NEO1: variants seen among roughly 807,000 people sequenced by gnomAD.
The protein encoded by NEO1 is neogenin 1.
Under a neutral mutation model 159.7 loss-of-function variants are expected in NEO1, and 63 were observed. That is an observed-to-expected ratio of 0.39 (90% confidence interval 0.32 to 0.49). The LOEUF (loss-of-function observed/expected upper bound fraction) is 0.49, where lower values mean the gene tolerates loss of function less well. Among genes scored for constraint, NEO1 ranks in the 20% least tolerant of loss-of-function variants. NEO1 has a pLI of 0.85. For synonymous variants in NEO1, 633 were observed against 662.0 expected, an observed-to-expected ratio of 0.96 and a Z score of 0.67; for missense variants, 1,615 against 1,831.0, an observed-to-expected ratio of 0.88 and a Z score of 2.15.
At position 73,282,980 on chromosome 15, in the gene NEO1, T is replaced by G. The variant is rs551596506; in HGVS notation, c.3279T>G (p.His1093Gln). The change falls in exon 23 of 29, where the codon CAT becomes CAG. Residue 1093 changes from histidine to glutamine, a missense_variant. Physicochemically the swap from His to Gln is conservative, Grantham distance 24. This residue lies in a region of NEO1 where 471 missense variants were observed against 498.9 expected (regional missense o/e 0.94). Transcript: ENST00000261908. Reference sequence around the variant, plus strand: ...TCTCTGCAGGCAGTAACAGCCCTCATGGGAGCCCCACCTCTCCTCTGGACA... The same window carrying G: ...TCTCTGCAGGCAGTAACAGCCCTCAGGGGAGCCCCACCTCTCCTCTGGACA... ...KPPMSGSNSP[H>Q]GSPTSPLDSN... is the part of the protein sequence containing the mutation. The G allele has an allele frequency of 2.7e-4, 430 of 1,614,086 alleles. 4 individuals carry two copies. In the South Asian group the frequency reaches 4.4e-3, roughly 17 times the overall value.
chr15:73,240,289 G>A (rs1466512669), intron 8 of NEO1, among the ~76,000 whole-genome samples: 3 of 152,154 alleles, frequency 2.0e-5, no homozygotes. Flanking sequence ...TTGTGGGTTG[G>A]AGTAAGCAGG....
In NEO1 at chr15:73,068,231, C is replaced by CCCCCCCCCCCCCG. The variant is rs55919404; in HGVS notation, c.130+15428_130+15429insCCCCCCCCCCGCC. Among the ~76,000 whole-genome samples, 47 of 120,658 alleles carry CCCCCCCCCCCCCG rather than the reference C, an allele frequency of 3.9e-4. 1 individual carries two copies. Among genetic ancestry groups the CCCCCCCCCCCCCG allele is most frequent in the Non-Finnish European group, 6.0e-4 (34 of 57,106 alleles). The allele number at this position is 120,658 out of a possible 152,430, so 79.2% of individuals were successfully genotyped here. A position where few individuals can be genotyped will look rare whatever the true frequency, so the allele number is the denominator to read the frequency against. On this transcript the variant is annotated intron_variant, in intron 1 of 28. Transcript: ENST00000261908. ...TTTGTTTTTGTCCCCCTACCCCCCC[C>CCCCCCCCCCCCCG]CCTTTTTTTTTGAGACAGTGTCTCA... is the stretch of plus-strand genomic sequence containing the variant.
chr15:73,282,332 T>G (rs1394865663), intron 22 of NEO1, among the ~76,000 whole-genome samples: 1 of 152,242 alleles, frequency 6.6e-6, no homozygotes, highest in Non-Finnish European at 1.5e-5. Flanking sequence ...ACATCTTTGT[T>G]GTTCACCATT....
chr15:73,077,843 A>G (rs1446897523), intron 1 of NEO1, among the ~76,000 whole-genome samples: 2 of 152,086 alleles, frequency 1.3e-5, no homozygotes, highest in African/African-American at 4.8e-5. Context: ...GGTTACTTCC[A>G]TGAAGCAACT....
chr15:73,141,534 C>T (rs139551595), intron 5 of NEO1, among the ~76,000 whole-genome samples: 192 of 152,220 alleles, frequency 1.3e-3, no homozygotes, highest in African/African-American at 4.2e-3. Flanking sequence ...ACATGTCTCC[C>T]GTGCCACCAA....
At chr15:73,138,810 C>T (rs1330751206) in intron 5 of NEO1, among the ~76,000 whole-genome samples, 3 of 151,840 alleles carry the variant, frequency 2.0e-5, no homozygotes, top group African/African-American at 7.3e-5. Flanking sequence ...TTTAAAACAG[C>T]TCCCAGATTC....
intron 7 of NEO1, among the ~76,000 whole-genome samples, chr15:73,211,632 T>A (rs192638139): frequency 4.6e-5 from 7 of 152,160 alleles, no homozygotes; most frequent in African/African-American, 1.4e-4. Context: ...GGAGAATCAC[T>A]TGAACCAGGG....
intron 7 of NEO1, among the ~76,000 whole-genome samples, chr15:73,192,506 A>G (rs562584408): frequency 2.0e-5 from 3 of 151,942 alleles, no homozygotes; most frequent in Admixed American, 2.0e-4. Context: ...CCCTTTCATC[A>G]AACAATCCTA....
intron 1 of NEO1, among the ~76,000 whole-genome samples, chr15:73,077,484 G>T (rs1275563501): frequency 6.6e-6 from 1 of 152,382 alleles, no homozygotes; most frequent in East Asian, 1.9e-4. Flanking sequence ...AAGGAAGCTT[G>T]TGTGAATGAA....
At chr15:73,261,700 G>A (rs1042976563) in intron 15 of NEO1, among the ~76,000 whole-genome samples, 6 of 152,168 alleles carry the variant, frequency 3.9e-5, no homozygotes, top group Non-Finnish European at 5.9e-5. Flanking sequence ...TTCACTGGTT[G>A]GAAGCCGTGA....
intron 16 of NEO1, among the ~76,000 whole-genome samples, chr15:73,269,136 G>T (rs984809849): frequency 6.6e-6 from 1 of 152,144 alleles, no homozygotes; most frequent in Non-Finnish European, 1.5e-5. Context: ...GTCTGAACTT[G>T]ACCCTTTGTG....
intron 11 of NEO1, among the ~76,000 whole-genome samples, chr15:73,251,107 T>A (rs1567603678): frequency 6.6e-6 from 1 of 152,184 alleles, no homozygotes; most frequent in Non-Finnish European, 1.5e-5. Flanking sequence ...AATAGTAAGA[T>A]AAATAAAACA....
chr15:73,267,058 A>G (rs1468823412), intron 16 of NEO1, among the ~76,000 whole-genome samples: 2 of 152,186 alleles, frequency 1.3e-5, no homozygotes, highest in East Asian at 3.8e-4. Flanking sequence ...GGAGATCGAG[A>G]CCATCCTGGC....
intron 8 of NEO1, among the ~76,000 whole-genome samples, chr15:73,240,192 G>C (rs1006137267): frequency 1.3e-5 from 2 of 152,154 alleles, no homozygotes; most frequent in African/African-American, 4.8e-5. Flanking sequence ...TGACAAAAGA[G>C]AATTGAGACT....
intron 1 of NEO1, among the ~76,000 whole-genome samples, chr15:73,098,088 C>A (rs1030623483): frequency 6.6e-6 from 1 of 151,444 alleles, no homozygotes; most frequent in African/African-American, 2.4e-5. Context: ...CCACAACACA[C>A]ACACACACAC....
intron 7 of NEO1, among the ~76,000 whole-genome samples, chr15:73,220,509 A>G (rs1404185549): frequency 5.3e-5 from 8 of 152,118 alleles, no homozygotes; most frequent in Non-Finnish European, 1.0e-4. Context: ...CCTGGATAAT[A>G]TCCTGCAGAG....
At chr15:73,147,598 G>A (rs1037426270) in intron 5 of NEO1, among the ~76,000 whole-genome samples, 4 of 152,010 alleles carry the variant, frequency 2.6e-5, no homozygotes, top group Non-Finnish European at 2.9e-5. Flanking sequence ...TTGATAATAC[G>A]AGGACAAAGT....
chr15:73,287,206 T>C (rs2041981207), intron 23 of NEO1, among the ~76,000 whole-genome samples: 1 of 152,182 alleles, frequency 6.6e-6, no homozygotes. Context: ...CATTGCACTC[T>C]GCTTTAGGGT....
intron 11 of NEO1, 105 bp from the exon 12 acceptor site, chr15:73,253,295 G>A: frequency 1.7e-6 from 1 of 591,200 alleles, no homozygotes; most frequent in Non-Finnish European, 2.9e-6. Context: ...CACGTAATCA[G>A]TGTTTGAGAT....
Sources: allele counts gnomAD v4.1 joint callset (sites outside exome capture counted in the v4.1 genomes callset), GRCh38; gene constraint gnomAD v4.1.1; regional missense constraint gnomAD v4.1.1; transcripts MANE v1.5; gene names NCBI Gene and HGNC (gene_info 2026-07-23, HGNC 2026-07-21).